Variants in TUSC3 observed in about 807,000 individuals in gnomAD.
The protein encoded by TUSC3 is dolichyl-diphosphooligosaccharide--protein glycosyltransferase subunit TUSC3.
A neutral mutation model predicts 44.8 loss-of-function variants in TUSC3; 45 were observed. The ratio of observed to expected loss-of-function variants is 1.00; its 90% CI spans 0.79 to 1.29. TUSC3 has a LOEUF of 1.29. TUSC3 is among the 50% of genes most tolerant of loss of function. The probability of loss-of-function intolerance (pLI) is 0.00; values close to 1 mark genes in which losing one functional copy is unlikely to be tolerated. For synonymous variants in TUSC3, 212 were observed against 152.9 expected (o/e 1.39, Z -2.85); for missense variants, 519 against 437.9 (o/e 1.19, Z -1.65).
At chr8:15,511,299 A>G (rs2129128208) in intron 2 of TUSC3, among the ~76,000 whole-genome samples, 1 of 152,160 alleles carries the variant, frequency 6.6e-6, no homozygotes, top group African/African-American at 2.4e-5. Flanking sequence ...GAGGTGAGGA[A>G]AGGAAATCCA....
At chr8:15,737,634 C>T (rs1033689446) in intron 7 of TUSC3, among the ~76,000 whole-genome samples, 1 of 152,078 alleles carries the variant, frequency 6.6e-6, no homozygotes, top group Non-Finnish European at 1.5e-5. Flanking sequence ...GGGTAGAGGT[C>T]CATCTGTTAT....
chr8:15,697,549 A>G (rs1466482874), intron 6 of TUSC3, among the ~76,000 whole-genome samples: 1 of 152,196 alleles, frequency 6.6e-6, no homozygotes, highest in African/African-American at 2.4e-5. Context: ...CTCAAATGCA[A>G]ATATCTTGAC....
At chr8:15,523,664 A>ATATG (rs1345376349) in intron 2 of TUSC3, among the ~76,000 whole-genome samples, 55 of 42,500 alleles carry the variant, frequency 1.3e-3, no homozygotes, top group African/African-American at 4.2e-3. Context: ...ATATATATAT[A>ATATG]TGTGTGTGTG....
the TUSC3 span, among the ~76,000 whole-genome samples, chr8:15,773,227 A>G: frequency 6.6e-6 from 1 of 152,222 alleles, no homozygotes; most frequent in East Asian, 1.9e-4. Flanking sequence ...TACATAAAGT[A>G]AAACGAAGAA....
intron 2 of TUSC3, among the ~76,000 whole-genome samples, chr8:15,516,701 T>C (rs914034366): frequency 2.0e-5 from 3 of 152,204 alleles, no homozygotes; most frequent in Admixed American, 1.3e-4. Flanking sequence ...AGGCCATATT[T>C]AGACAAATTA....
chr8:15,652,573 A>G (rs185341041), intron 3 of TUSC3, among the ~76,000 whole-genome samples: 147 of 152,302 alleles, frequency 9.7e-4, no homozygotes, highest in African/African-American at 3.4e-3. Context: ...GGAGCTAATG[A>G]TAATAGTAAT....
intron 5 of TUSC3, among the ~76,000 whole-genome samples, chr8:15,672,122 A>G (rs1807975469): frequency 1.3e-5 from 2 of 152,036 alleles, no homozygotes; most frequent in East Asian, 1.9e-4. Flanking sequence ...TGCAGGGGGA[A>G]GCAAGAAGAG....
chr8:15,438,441 T>A (rs2129118022), intron 1 of TUSC3, among the ~76,000 whole-genome samples: 1 of 147,080 alleles, frequency 6.8e-6, no homozygotes, highest in Non-Finnish European at 1.5e-5. Flanking sequence ...AGTATGTGCA[T>A]GGTGCCTGGT....
Position 15,685,545 on chromosome 8 carries a change from T to C in TUSC3, c.798+11709T>C, listed in dbSNP as rs187204757. Among the ~76,000 whole-genome samples the C allele has an allele frequency of 1.0e-3, 159 of 152,332 alleles. 1 individual carries two copies. Among genetic ancestry groups the C allele is most frequent in the African/African-American group, 3.7e-3 (155 of 41,578 alleles). On this transcript the variant is annotated intron_variant, in intron 6 of 10. Transcript: ENST00000503731. ...TGTTCCCTTAACAGAAAGTTTATTA[T>C]TGATGCTCTGTCAACAGGGCCTGTG...
chr8:15,490,105 TGTTA>T (rs1800787789), intron 2 of TUSC3, among the ~76,000 whole-genome samples: 2 of 152,350 alleles, frequency 1.3e-5, no homozygotes, highest in Admixed American at 6.5e-5. Flanking sequence ...ATTTTTTGTT[TGTTA>T]GTTTGATTTG....
chr8:15,761,469 C>T (rs1812166567), intron 10 of TUSC3, among the ~76,000 whole-genome samples: 1 of 152,220 alleles, frequency 6.6e-6, no homozygotes, highest in Non-Finnish European at 1.5e-5. Flanking sequence ...TTCTATCTAT[C>T]TTATCCCTTG....
intron 1 of TUSC3, among the ~76,000 whole-genome samples, chr8:15,618,165 T>G (rs1327545960): frequency 6.6e-6 from 1 of 152,140 alleles, no homozygotes; most frequent in Non-Finnish European, 1.5e-5. Flanking sequence ...TAGCGGTGAG[T>G]GAGTGTGAAG....
chr8:15,435,243 T>C (rs1282228144), intron 1 of TUSC3, among the ~76,000 whole-genome samples: 2 of 152,028 alleles, frequency 1.3e-5, no homozygotes, highest in African/African-American at 4.8e-5. Flanking sequence ...TGGTGTGAGA[T>C]GGTATCTCAT....
chr8:15,526,299 C>T (rs1172720232), intron 2 of TUSC3, among the ~76,000 whole-genome samples: 4 of 152,124 alleles, frequency 2.6e-5, no homozygotes, highest in Non-Finnish European at 5.9e-5. Context: ...TCCCAAAGTG[C>T]TGGATTACAG....
chr8:15,735,893 T>G lies in TUSC3; in HGVS notation c.862+5164T>G, dbSNP rs534768581. 2.7e-3 allele frequency among the ~76,000 whole-genome samples: 352 copies of G among 130,930 alleles called. 1 individual carries two copies. Among genetic ancestry groups the G allele is most frequent in the African/African-American group, 9.4e-3 (322 of 34,088 alleles). 85.9% of individuals were successfully genotyped at this position (130,930 alleles called of 152,430 possible). On this transcript the variant is annotated intron_variant, in intron 7 of 10. Transcript: ENST00000503731. ...GGGTTTTTTTTTTTTGTTTTTTTGG[T>G]TTTTTTTTGTATTTTTAGTAGAGAC...
At chr8:15,789,447 G>A in the TUSC3 span, among the ~76,000 whole-genome samples, 3 of 152,042 alleles carry the variant, frequency 2.0e-5, no homozygotes, top group Non-Finnish European at 4.4e-5. Flanking sequence ...TCATTTATCA[G>A]CCAGTCTTAA....
At position 15,523,702 on chromosome 8, in the gene TUSC3, G is replaced by GTATATATATATA. The variant is rs1563273682; in HGVS notation, n.189+40220_189+40221insATATATATATAT. 1.4e-4 allele frequency among the ~76,000 whole-genome samples: 16 copies of GTATATATATATA among 112,042 alleles called. 1 individual carries two copies. The highest frequency in any genetic ancestry group is 6.4e-4 in the African/African-American group (16 of 25,124). 73.5% of individuals were successfully genotyped at this position (112,042 alleles called of 152,430 possible). A position where few individuals can be genotyped will look rare whatever the true frequency, so the allele number is the denominator to read the frequency against. ...TGTGTGTGTGTGTGTGTGTGTGTGT[G>GTATATATATATA]TGTGTGTATATATATATATATATAA... On this transcript the variant is annotated intron_variant and non_coding_transcript_variant, in intron 2 of 5. Transcript: ENST00000503191.
At chr8:15,429,484 T>C (rs1302017231) in intron 1 of TUSC3, among the ~76,000 whole-genome samples, 2 of 151,304 alleles carry the variant, frequency 1.3e-5, no homozygotes, top group African/African-American at 4.9e-5. Flanking sequence ...AACTTCAAAG[T>C]AGTTTTTTCC....
At chr8:15,509,488 A>G (rs1801103726) in intron 2 of TUSC3, among the ~76,000 whole-genome samples, 2 of 152,046 alleles carry the variant, frequency 1.3e-5, no homozygotes, top group Admixed American at 1.3e-4. Context: ...GGCGCCTGTA[A>G]TCCCAGCTAC....
Sources: gnomAD v4.1 joint callset for allele counts (sites outside exome capture counted in the v4.1 genomes callset) on GRCh38, gnomAD v4.1.1 for gene constraint, MANE v1.5 for transcripts, NCBI Gene and HGNC (gene_info 2026-07-23, HGNC 2026-07-21) for gene names.